The following PKHD1 variants were observed in gnomAD, a reference collection of about 807,000 sequenced individuals.
The protein encoded by PKHD1 is PKHD1 ciliary IPT domain containing fibrocystin/polyductin, also known as fibrocystin.
In PKHD1, 291 loss-of-function variants were observed where a neutral mutation model predicts 412.0. The observed-to-expected ratio is 0.71, with a 90% confidence interval of 0.64 to 0.78. The LOEUF (loss-of-function observed/expected upper bound fraction) is 0.78, where lower values mean the gene tolerates loss of function less well. PKHD1 is among the 30% of genes least tolerant of loss of function. The pLI is 0.00. For missense variants in PKHD1, 4,825 were observed against 4,950.7 expected (o/e 0.97, Z 0.76); for synonymous variants, 1,777 against 1,821.5 (o/e 0.98, Z 0.62).
chr6:51,665,133 AT>A (rs1773524206), intron 60 of PKHD1, among the ~76,000 whole-genome samples: 1 of 152,068 alleles, frequency 6.6e-6, no homozygotes, highest in Non-Finnish European at 1.5e-5. Flanking sequence ...ACTCTTTACA[AT>A]TTTTTCTACC....
At chr6:51,826,039 A>G (rs183484938) in intron 52 of PKHD1, among the ~76,000 whole-genome samples, 42 of 152,286 alleles carry the variant, frequency 2.8e-4, no homozygotes, top group Admixed American at 2.6e-3. Context: ...ATAATCTCAG[A>G]TAAGAAAAAG....
At chr6:51,934,400 TC>T in intron 36 of PKHD1, 78 bp from the exon 37 acceptor site, 1 of 870,108 alleles carries the variant, frequency 1.1e-6, no homozygotes, top group Non-Finnish European at 2.0e-6. Flanking sequence ...CCTGATGAAA[TC>T]CCCTTCATTT....
intron 60 of PKHD1, among the ~76,000 whole-genome samples, chr6:51,732,030 A>G (rs1181730249): frequency 6.6e-6 from 1 of 152,210 alleles, no homozygotes; most frequent in Non-Finnish European, 1.5e-5. Context: ...AGTAAAAAGC[A>G]CAACAGATTT....
intron 33 of PKHD1, among the ~76,000 whole-genome samples, chr6:52,018,138 T>C (rs1327202002): frequency 6.6e-6 from 1 of 152,240 alleles, no homozygotes; most frequent in Non-Finnish European, 1.5e-5. Context: ...TAATACATTT[T>C]CACTGCTGTT....
chr6:51,886,559 T>A (rs1394006389), intron 44 of PKHD1, among the ~76,000 whole-genome samples: 1 of 152,144 alleles, frequency 6.6e-6, no homozygotes. Flanking sequence ...AGGGCAATAG[T>A]ACATCATATC....
At chr6:52,007,074 C>A (rs780843934) in intron 35 of PKHD1, among the ~76,000 whole-genome samples, 3 of 152,140 alleles carry the variant, frequency 2.0e-5, no homozygotes, top group Non-Finnish European at 2.9e-5. Context: ...ACCATAATTT[C>A]TTTATTGACT....
intron 47 of PKHD1, among the ~76,000 whole-genome samples, chr6:51,868,516 G>T (rs1775450606): frequency 6.6e-6 from 1 of 152,040 alleles, no homozygotes; most frequent in Admixed American, 6.6e-5. Flanking sequence ...ATCCTACAAT[G>T]CACAGGACAA....
chr6:51,937,897 A>G (rs570627043), intron 36 of PKHD1, among the ~76,000 whole-genome samples: 63 of 152,332 alleles, frequency 4.1e-4, no homozygotes, highest in Middle Eastern at 3.4e-3. Context: ...CTGTGAAACC[A>G]TCCTTGCAAA....
rs544571123 is a variant in PKHD1 at position 51,725,485 on chromosome 6, GGAGA to G, written c.10156+18896_10156+18899del. Among the ~76,000 whole-genome samples the G allele has an allele frequency of 8.6e-4, 131 of 152,212 alleles. 1 individual carries two copies. Among genetic ancestry groups the G allele is most frequent in the African/African-American group, 3.0e-3 (123 of 41,536 alleles). ...ATGTTCATATTTTATTTGGAAAAATGGAGAGAAAGAGAAGAGGAAATGCAAAGAA... is the reference window on the plus strand; with the variant it reads ...ATGTTCATATTTTATTTGGAAAAATGGAAAGAGAAGAGGAAATGCAAAGAA... On this transcript the variant is annotated intron_variant, in intron 60 of 66. Coordinates refer to ENST00000371117, the MANE Select transcript of PKHD1 (RefSeq NM_138694.4).
chr6:51,997,862 G>C (rs2115814), intron 35 of PKHD1, among the ~76,000 whole-genome samples: 1 of 152,128 alleles, frequency 6.6e-6, no homozygotes, highest in Non-Finnish European at 1.5e-5. Flanking sequence ...CCCATCAGTC[G>C]TTTCTGCCTA....
At chr6:51,688,620 C>A (rs1226844141) in intron 60 of PKHD1, among the ~76,000 whole-genome samples, 1 of 151,668 alleles carries the variant, frequency 6.6e-6, no homozygotes, top group African/African-American at 2.4e-5. Context: ...AGAGAAGATT[C>A]AAATAAACAC....
At chr6:51,780,160 G>A (rs558273669) in intron 53 of PKHD1, among the ~76,000 whole-genome samples, 1 of 152,252 alleles carries the variant, frequency 6.6e-6, no homozygotes, top group East Asian at 1.9e-4. Context: ...GGCCGAGGCA[G>A]GCAGATCACA....
intron 35 of PKHD1, among the ~76,000 whole-genome samples, chr6:51,995,494 C>G (rs1199315446): frequency 6.6e-6 from 1 of 152,202 alleles, no homozygotes; most frequent in African/African-American, 2.4e-5. Flanking sequence ...ACCATGTTTT[C>G]CCATCTCTGG....
intron 29 of PKHD1, among the ~76,000 whole-genome samples, chr6:52,031,646 C>A (rs1803047364): frequency 6.6e-6 from 1 of 152,188 alleles, no homozygotes; most frequent in African/African-American, 2.4e-5. Context: ...CCAGCACTCC[C>A]CATCCTTGGT....
intron 52 of PKHD1, among the ~76,000 whole-genome samples, chr6:51,824,609 G>A (rs1767011662): frequency 1.3e-5 from 2 of 152,058 alleles, no homozygotes; most frequent in Admixed American, 6.6e-5. Flanking sequence ...GGAAAATAAT[G>A]TTGATTAAAG....
At position 51,720,986 on chromosome 6, in the gene PKHD1, T is replaced by C. The variant is rs967992318; in HGVS notation, c.10156+23399A>G. The C allele has an allele frequency of 8.1e-6, 8 of 983,866 alleles. No homozygotes were observed. In the East Asian group the frequency reaches 6.8e-4, roughly 84 times the overall value. 60.9% of individuals were successfully genotyped at this position (983,866 alleles called of 1,614,324 possible). On this transcript the variant is annotated intron_variant, in intron 60 of 66. Coordinates refer to ENST00000371117, the MANE Select transcript of PKHD1 (RefSeq NM_138694.4). ...GAAGGAAAAGATCTGGCAGCAAAGG[T>C]AGCAATTTTAGGATAGAAAGGAAAT...
chr6:51,791,142 A>T, intron 53 of PKHD1, 94 bp downstream of exon 53: 1 of 1,315,532 alleles, frequency 7.6e-7, no homozygotes, highest in Non-Finnish European at 1.1e-6. Context: ...AAACTCTGTT[A>T]AGCAACCTGC....
Position 51,896,116 on chromosome 6 carries a change from C to T in PKHD1, c.6996+7481G>A, listed in dbSNP as rs561374770. ...AGGGGCGCCCACCATTGCCCAGGCT[C>T]GCTTAGGTAAACAAAGCAGCCCGGA... On this transcript the variant is annotated intron_variant, in intron 43 of 66. Transcript: ENST00000371117. Among the ~76,000 whole-genome samples the T allele has an allele frequency of 2.5e-3, 378 of 152,296 alleles. 1 individual carries two copies. Among genetic ancestry groups the T allele is most frequent in the Non-Finnish European group, 4.0e-3 (275 of 68,022 alleles).
chr6:51,708,802 C>G (rs1386045421), intron 60 of PKHD1, among the ~76,000 whole-genome samples: 1 of 152,070 alleles, frequency 6.6e-6, no homozygotes, highest in Non-Finnish European at 1.5e-5. Flanking sequence ...AAACTATGAC[C>G]CATAGGGCCA....
Sources: gnomAD v4.1 joint callset for allele counts (sites outside exome capture counted in the v4.1 genomes callset) on GRCh38, gnomAD v4.1.1 for gene constraint, MANE v1.5 for transcripts, NCBI Gene and HGNC (gene_info 2026-07-23, HGNC 2026-07-21) for gene names.